NBPF8: variants seen among roughly 807,000 people sequenced by gnomAD.
The protein encoded by NBPF8 is NBPF member 8.
intron 16 of NBPF8, among the ~76,000 whole-genome samples, chr1:120,456,601 T>C (rs1294112779): frequency 1.5e-5 from 2 of 134,258 alleles, no homozygotes; most frequent in African/African-American, 3.3e-5. Context: ...CCTTTTTTTG[T>C]TTTCCATTTG....
intron 11 of NBPF8, among the ~76,000 whole-genome samples, chr1:120,450,738 G>C (rs71229757): frequency 3.9e-5 from 6 of 152,072 alleles, no homozygotes; most frequent in African/African-American, 1.4e-4. Context: ...AAAATCTTTC[G>C]CATACTTGTC....
At chr1:120,424,442 T>C (rs1250384161) in intron 1 of NBPF8, among the ~76,000 whole-genome samples, 5 of 151,898 alleles carry the variant, frequency 3.3e-5, no homozygotes, top group Non-Finnish European at 7.4e-5. Context: ...TAGTGAACCG[T>C]CTTTATTTTA....
chr1:120,420,524 C>T (rs514735), intron 1 of NBPF8, among the ~76,000 whole-genome samples: 9 of 151,188 alleles, frequency 6.0e-5, no homozygotes, highest in East Asian at 3.9e-4. Flanking sequence ...CCTGTCCACC[C>T]GCATCCCCCA....
chr1:120,421,541 T>G (rs1314170900), intron 1 of NBPF8, among the ~76,000 whole-genome samples: 3 of 148,626 alleles, frequency 2.0e-5, no homozygotes, highest in Non-Finnish European at 1.5e-5. Context: ...CCTCCTTCCT[T>G]CCCTCCCTCC....
intron 1 of NBPF8, among the ~76,000 whole-genome samples, chr1:120,420,846 C>T (rs1660554566): frequency 6.7e-6 from 1 of 148,682 alleles, no homozygotes; most frequent in Non-Finnish European, 1.5e-5. Flanking sequence ...AATCTCAGGT[C>T]ACTACCCCAT....
chr1:120,434,734 T>C (rs1175799734), upstream of NBPF8, among the ~76,000 whole-genome samples: 1 of 142,428 alleles, frequency 7.0e-6, no homozygotes, highest in African/African-American at 2.6e-5. Flanking sequence ...TTAACCACTC[T>C]CCATCATATG....
intron 2 of NBPF8, among the ~76,000 whole-genome samples, chr1:120,427,305 A>G (rs1362151683): frequency 1.3e-5 from 2 of 151,840 alleles, no homozygotes; most frequent in Non-Finnish European, 2.9e-5. Context: ...TGAGTCATAG[A>G]ATAGATAGTT....
downstream of NBPF8, chr1:120,467,775 T>TATA (rs1230634119): frequency 2.0e-5 from 3 of 152,222 alleles, no homozygotes; most frequent in African/African-American, 7.2e-5. Flanking sequence ...CATTCAGTGT[T>TATA]ATAATATTTG....
At chr1:120,450,341 A>G (rs1661230940) in intron 11 of NBPF8, among the ~76,000 whole-genome samples, 1 of 151,958 alleles carries the variant, frequency 6.6e-6, no homozygotes, top group African/African-American at 2.4e-5. Flanking sequence ...AGGAAGAAAG[A>G]TCCCACCCGA....
Position 120,424,819 on chromosome 1 carries a change from C to A in NBPF8, n.270-928C>A, listed in dbSNP as rs1231296109. 3.7e-5 allele frequency among the ~76,000 whole-genome samples: 5 copies of A among 133,944 alleles called. No individual in the cohort carries two copies. The Admixed American group carries it at 3.9e-4, about 10-fold the overall frequency. The allele number at this position is 133,944 out of a possible 152,430, so 87.9% of individuals were successfully genotyped here. A position where few individuals can be genotyped will look rare whatever the true frequency, so the allele number is the denominator to read the frequency against. ...TAGGAAGAAGTAGACATAAGAGACT[C>A]CATTTTGTTCTGTACTAAGAAAAAT... is the stretch of plus-strand genomic sequence containing the variant. On this transcript the variant is annotated intron_variant and non_coding_transcript_variant, in intron 1 of 28. Coordinates refer to the NBPF8 transcript ENST00000652355.
chr1:120,466,142 A>T (rs1440671405), exon 25 of NBPF8: 1 of 1,610,320 alleles, frequency 6.2e-7, no homozygotes, highest in Non-Finnish European at 8.5e-7. Flanking sequence ...TTTGCCCTTG[A>T]CATGGACAAT....
chr1:120,454,021 A>G (rs1661362446), exon 15 of NBPF8: 1 of 1,612,610 alleles, frequency 6.2e-7, no homozygotes, highest in Non-Finnish European at 8.5e-7. Context: ...ACATAGGAAA[A>G]CCAAAATCAC....
chr1:120,449,595 T>G (rs11261221), intron 11 of NBPF8, among the ~76,000 whole-genome samples, 193 bp downstream of exon 9: 2,578 of 138,970 alleles, frequency 0.019, 50 homozygotes, highest in African/African-American at 0.065. Flanking sequence ...TTCCATGTTT[T>G]CAATCAGGTG....
chr1:120,428,902 G>A (rs1660793205), intron 3 of NBPF8, among the ~76,000 whole-genome samples: 2 of 151,668 alleles, frequency 1.3e-5, no homozygotes, highest in African/African-American at 2.4e-5. Flanking sequence ...TCCTGGTTGA[G>A]TGCTTTACAC....
At chr1:120,420,390 C>T (rs1389174953) in intron 1 of NBPF8, among the ~76,000 whole-genome samples, 1 of 133,996 alleles carries the variant, frequency 7.5e-6, no homozygotes, top group Non-Finnish European at 1.6e-5. Flanking sequence ...GCTAGATCTA[C>T]ATCCCACTCC....
intron 24 of NBPF8, 55 bp from the exon 23 acceptor site, chr1:120,465,923 C>T (rs1410252790): frequency 9.9e-6 from 16 of 1,611,606 alleles, no homozygotes; most frequent in Admixed American, 5.0e-5. Flanking sequence ...TCTAGTGGGG[C>T]TCTGTGGTGT....
At chr1:120,452,924 G>T (rs1553249137) in intron 13 of NBPF8, among the ~76,000 whole-genome samples, 7 of 152,036 alleles carry the variant, frequency 4.6e-5, no homozygotes, top group African/African-American at 1.2e-4. Flanking sequence ...TGTCCCTGAA[G>T]AACACAGCAG....
At chr1:120,431,017 CAATGATCAAG>C (rs1471274278) in intron 3 of NBPF8, among the ~76,000 whole-genome samples, 13 of 149,210 alleles carry the variant, frequency 8.7e-5, no homozygotes, top group African/African-American at 3.2e-4. Flanking sequence ...ATGGTAATGT[CAATGATCAAG>C]AATAATAAAA....
chr1:120,429,986 T>C (rs1660832365), intron 3 of NBPF8, among the ~76,000 whole-genome samples: 2 of 148,938 alleles, frequency 1.3e-5, no homozygotes, highest in Non-Finnish European at 3.0e-5. Flanking sequence ...TTTTTCATGA[T>C]TTATAAAAAC....
Sources: gnomAD v4.1 joint callset for allele counts (sites outside exome capture counted in the v4.1 genomes callset) on GRCh38, gnomAD v4.1.1 for gene constraint, MANE v1.5 for transcripts, NCBI Gene and HGNC (gene_info 2026-07-23, HGNC 2026-07-21) for gene names.